The following KIF21A variants were observed in gnomAD, a reference collection of about 807,000 sequenced individuals.
KIF21A encodes kinesin family member 21A.
Under a neutral mutation model 202.9 loss-of-function variants are expected in KIF21A, and 114 were observed. That is an observed-to-expected ratio of 0.56 (90% confidence interval 0.48 to 0.66). The LOEUF is 0.66. KIF21A is among the 30% of genes least tolerant of loss of function. The pLI is 0.00. For synonymous variants in KIF21A, 667 were observed against 670.8 expected (o/e 0.99, Z 0.09); for missense variants, 1,677 against 1,994.9 (o/e 0.84, Z 3.04).
chr12:39,315,233 T>G lies in KIF21A; in HGVS notation c.3955A>C (p.Arg1319=). 4.3e-6 allele frequency: 7 copies of G among 1,612,090 alleles called. No homozygotes were observed. The highest frequency in any genetic ancestry group is 5.9e-6 in the Non-Finnish European group (7 of 1,178,678). The part of the protein sequence containing the change: ...SSLSEVHRSS[R]RGIINPFPAS... ...CCTCTCCCTTCCCCTGCCTACCTTC[T>G]GGAGGATCTGCTGATGATCAGCAAA... The change falls in exon 31 of 38, where the codon AGA becomes CGA. Residue 1319 remains arginine, a synonymous_variant. Coordinates refer to ENST00000361418, the MANE Select transcript of KIF21A (RefSeq NM_001173464.2).
At chr12:39,377,903 A>G (rs1467089202) in intron 1 of KIF21A, among the ~76,000 whole-genome samples, 6 of 152,222 alleles carry the variant, frequency 3.9e-5, no homozygotes, top group Non-Finnish European at 8.8e-5. Flanking sequence ...CCTAATCTAT[A>G]TAATTAGCTC....
intron 1 of KIF21A, among the ~76,000 whole-genome samples, chr12:39,400,534 A>G (rs1229535158): frequency 6.6e-6 from 1 of 152,152 alleles, no homozygotes; most frequent in African/African-American, 2.4e-5. Context: ...TGAGAACATA[A>G]GGTGTTTGGT....
Position 39,369,782 on chromosome 12 carries a change from T to C in KIF21A, c.397A>G (p.Ile133Val), listed in dbSNP as rs779218500. The C allele has an allele frequency of 4.3e-6, 7 of 1,613,060 alleles. No homozygotes were observed. Among genetic ancestry groups the C allele is most frequent in the Admixed American group, 1.7e-5 (1 of 59,898 alleles). Residue 133 changes from isoleucine (I) to valine (V), a missense_variant, in exon 3 of 38, where the codon ATT becomes GTT. By Grantham distance (29) the Ile-to-Val change is conservative (BLOSUM62 3). Around this residue, in one of 3 missense-constraint regions of KIF21A, gnomAD observed 966 missense variants for 1,180.9 expected, o/e 0.82. Transcript: ENST00000361418. ...KSIEEKKHIA[I>V]KNGLPAPDFK... is the part of the protein sequence containing the mutation. ...TCTGGAGCAGGAAGCCCATTTTTAATTGCTATGTGTTTTTTTTCTTCAATA... is the reference window on the plus strand; with the variant it reads ...TCTGGAGCAGGAAGCCCATTTTTAACTGCTATGTGTTTTTTTTCTTCAATA...
intron 7 of KIF21A, among the ~76,000 whole-genome samples, chr12:39,359,179 G>C (rs115529765): frequency 1.3e-5 from 2 of 151,864 alleles, no homozygotes; most frequent in African/African-American, 4.8e-5. Flanking sequence ...CTTTTCTTTC[G>C]ACAATAATCT....
chr12:39,376,804 C>T (rs1170920593), intron 1 of KIF21A, among the ~76,000 whole-genome samples: 2 of 152,084 alleles, frequency 1.3e-5, no homozygotes, highest in African/African-American at 2.4e-5. Flanking sequence ...CCCTTCTATT[C>T]CTCTGTTCCC....
At chr12:39,354,741 C>T (rs1235876339) in intron 10 of KIF21A, among the ~76,000 whole-genome samples, 3 of 152,060 alleles carry the variant, frequency 2.0e-5, no homozygotes, top group African/African-American at 7.2e-5. Flanking sequence ...TCGGGTTTAG[C>T]AGGTAAAAAC....
chr12:39,294,347 A>T lies in KIF21A; in HGVS notation c.*77T>A. 9.3e-7 allele frequency: 1 copy of T among 1,072,608 alleles called. No homozygotes were observed. The highest frequency in any genetic ancestry group is 1.3e-5 in the South Asian group (1 of 78,762). 66.4% of individuals were successfully genotyped at this position (1,072,608 alleles called of 1,614,324 possible). A position where few individuals can be genotyped will look rare whatever the true frequency, so the allele number is the denominator to read the frequency against. On this transcript the variant is annotated 3_prime_UTR_variant, in exon 38 of 38. Transcript: ENST00000361418. ...TCCGATTCATACGTTTTGCCTAGTAAGTACAGGACAACATTTTCCATAAAG... is the reference window on the plus strand; with the variant it reads ...TCCGATTCATACGTTTTGCCTAGTATGTACAGGACAACATTTTCCATAAAG...
At chr12:39,397,895 C>A (rs2139790882) in intron 1 of KIF21A, among the ~76,000 whole-genome samples, 1 of 152,316 alleles carries the variant, frequency 6.6e-6, no homozygotes, top group East Asian at 1.9e-4. Context: ...AGACTTAACA[C>A]AATGGTAGAA....
chr12:39,310,351 T>G (rs902157753), intron 32 of KIF21A, among the ~76,000 whole-genome samples: 2 of 152,040 alleles, frequency 1.3e-5, no homozygotes, highest in African/African-American at 4.8e-5. Context: ...TTTTTTTAAT[T>G]GGAGAATTTC....
chr12:39,312,771 T>C (rs1044433067), intron 31 of KIF21A: 1 of 151,978 alleles, frequency 6.6e-6, no homozygotes, highest in African/African-American at 2.4e-5. Context: ...ACTATGGAAA[T>C]ATAAAGATTA....
At chr12:39,407,711 T>A (rs949643248) in intron 1 of KIF21A, among the ~76,000 whole-genome samples, 2 of 152,166 alleles carry the variant, frequency 1.3e-5, no homozygotes, top group African/African-American at 4.8e-5. Context: ...AATCCCATTA[T>A]CATTTTAACA....
chr12:39,312,909 A>G (rs1037337703), intron 31 of KIF21A: 6 of 152,092 alleles, frequency 3.9e-5, no homozygotes, highest in Admixed American at 3.3e-4. Flanking sequence ...CACTCAAAGC[A>G]TTATATGCTT....
rs1459792944 is a variant in KIF21A, at chr12:39,315,236, A to T, written c.3952T>A (p.Ser1318Thr). The T allele has an allele frequency of 6.2e-7, 1 of 1,612,132 alleles. No individual in the cohort carries two copies. Among genetic ancestry groups the T allele is most frequent in the Non-Finnish European group, 8.5e-7 (1 of 1,178,602 alleles). Residue 1318 changes from serine to threonine, a missense_variant, in exon 31 of 38, where the codon TCC becomes ACC. Ser to Thr is a moderately conservative substitution (Grantham distance 58). This residue lies in a region of KIF21A where 705 missense variants were observed against 791.9 expected (regional missense o/e 0.89). Coordinates refer to ENST00000361418, the MANE Select transcript of KIF21A (RefSeq NM_001173464.2). Reference protein sequence around the residue: ...DSSLSEVHRSSRRGIINPFPA... With the variant: ...DSSLSEVHRSTRRGIINPFPA... ...CTCCCTTCCCCTGCCTACCTTCTGG[A>T]GGATCTGCTGATGATCAGCAAAAAT...
intron 1 of KIF21A, among the ~76,000 whole-genome samples, chr12:39,391,300 A>T (rs1285882104): frequency 1.3e-5 from 2 of 149,646 alleles, no homozygotes; most frequent in Non-Finnish European, 3.0e-5. Context: ...AGGATTCAAT[A>T]AAAAAAATTT....
chr12:39,343,478 G>A (rs1356159847), intron 12 of KIF21A, among the ~76,000 whole-genome samples: 1 of 151,884 alleles, frequency 6.6e-6, no homozygotes, highest in Non-Finnish European at 1.5e-5. Context: ...AACTTTATCA[G>A]AATAGCTTAA....
At chr12:39,405,923 T>A (rs1195324300) in intron 1 of KIF21A, among the ~76,000 whole-genome samples, 6 of 152,300 alleles carry the variant, frequency 3.9e-5, no homozygotes, top group African/African-American at 1.4e-4. Context: ...AACCCATCAT[T>A]ATATGTGTGA....
intron 8 of KIF21A, among the ~76,000 whole-genome samples, chr12:39,357,720 G>A (rs539623024): frequency 7.3e-5 from 11 of 151,564 alleles, no homozygotes; most frequent in African/African-American, 2.2e-4. Flanking sequence ...GACCAGCCTG[G>A]CCAACGTGGT....
intron 35 of KIF21A, among the ~76,000 whole-genome samples, chr12:39,303,978 T>C (rs1943215347): frequency 6.6e-6 from 1 of 152,214 alleles, no homozygotes; most frequent in African/African-American, 2.4e-5. Flanking sequence ...TATACTTACT[T>C]ATTTTCAATG....
intron 26 of KIF21A, among the ~76,000 whole-genome samples, chr12:39,323,658 T>C (rs915793558): frequency 2.0e-5 from 3 of 152,158 alleles, no homozygotes; most frequent in Non-Finnish European, 2.9e-5. Context: ...GTCACTAAAG[T>C]ACTAACAGAT....
Sources: gnomAD v4.1 joint callset for allele counts (sites outside exome capture counted in the v4.1 genomes callset) on GRCh38, gnomAD v4.1.1 for gene constraint, gnomAD v4.1.1 regional missense constraint, MANE v1.5 for transcripts, NCBI Gene and HGNC (gene_info 2026-07-23, HGNC 2026-07-21) for gene names.